Variants in TUSC3 observed in about 807,000 individuals in gnomAD.
TUSC3 encodes the protein tumor suppressor candidate 3.
A neutral mutation model predicts 44.8 loss-of-function variants in TUSC3; 45 were observed. That is an observed-to-expected ratio of 1.00 (90% confidence interval 0.79 to 1.29). The LOEUF is 1.29. TUSC3 is among the 50% of genes most tolerant of loss of function. The pLI is 0.00. For missense variants in TUSC3, 519 were observed against 437.9 expected (o/e 1.19, Z -1.65); for synonymous variants, 212 against 152.9 (o/e 1.39, Z -2.85).
chr8:15,542,175 A>G (rs1189802097), intron 1 of TUSC3, among the ~76,000 whole-genome samples: 1 of 152,024 alleles, frequency 6.6e-6, no homozygotes, highest in Non-Finnish European at 1.5e-5. Context: ...GGGTGGGACA[A>G]CTCAAAGGGG....
the TUSC3 span, among the ~76,000 whole-genome samples, chr8:15,773,508 G>A: frequency 6.6e-6 from 1 of 152,098 alleles, no homozygotes; most frequent in Non-Finnish European, 1.5e-5. Context: ...ATACTGTTAA[G>A]ATGGAAATAC....
At chr8:15,647,593 C>T (rs561247857) in intron 2 of TUSC3, among the ~76,000 whole-genome samples, 78 of 152,268 alleles carry the variant, frequency 5.1e-4, no homozygotes, top group African/African-American at 1.8e-3. Context: ...CGTGCTACCT[C>T]ACTCACTGCA....
At chr8:15,458,961 A>G (rs933887968) in intron 1 of TUSC3, among the ~76,000 whole-genome samples, 1 of 152,102 alleles carries the variant, frequency 6.6e-6, no homozygotes, top group African/African-American at 2.4e-5. Context: ...AAAGAGGTTT[A>G]AGTTAATCTT....
chr8:15,551,844 T>C (rs1341364805), intron 1 of TUSC3, among the ~76,000 whole-genome samples: 1 of 151,788 alleles, frequency 6.6e-6, no homozygotes, highest in Non-Finnish European at 1.5e-5. Context: ...CCTTCAAAAG[T>C]TACTTCTGTT....
At chr8:15,705,366 C>T (rs1809574531) in intron 6 of TUSC3, among the ~76,000 whole-genome samples, 1 of 151,928 alleles carries the variant, frequency 6.6e-6, no homozygotes, top group Non-Finnish European at 1.5e-5. Flanking sequence ...TGGAAAACCA[C>T]TCCAGAATCT....
intron 1 of TUSC3, among the ~76,000 whole-genome samples, chr8:15,566,571 T>C (rs1352147177): frequency 6.6e-6 from 1 of 151,914 alleles, no homozygotes; most frequent in Non-Finnish European, 1.5e-5. Flanking sequence ...GAGGTATATG[T>C]ACTTGTTTAT....
At chr8:15,578,004 T>C (rs1390328376) in intron 1 of TUSC3, among the ~76,000 whole-genome samples, 1 of 149,554 alleles carries the variant, frequency 6.7e-6, no homozygotes, top group Non-Finnish European at 1.5e-5. Context: ...CAGTGGTTTG[T>C]AGTTCTCCTT....
intron 1 of TUSC3, among the ~76,000 whole-genome samples, chr8:15,453,232 T>TA (rs1018422995): frequency 7.6e-6 from 1 of 132,268 alleles, no homozygotes; most frequent in African/African-American, 2.7e-5. Flanking sequence ...ATTAGCGTGG[T>TA]AATGATTATT....
In TUSC3 at chr8:15,484,820, T is replaced by A. The variant is rs188268160; in HGVS notation, n.189+1337T>A. On this transcript the variant is annotated intron_variant and non_coding_transcript_variant, in intron 2 of 5. Coordinates refer to the TUSC3 transcript ENST00000503191. ...AAAATGTTCATCCAAATAGTAAAAA[T>A]TCTTACTATCATTTAAAATATATAG... 1.1e-4 allele frequency among the ~76,000 whole-genome samples: 17 copies of A among 152,338 alleles called. No homozygotes were observed. The East Asian group carries it at 2.7e-3, about 24-fold the overall frequency.
intron 7 of TUSC3, among the ~76,000 whole-genome samples, chr8:15,740,518 GAAAA>G (rs887658895): frequency 7.0e-6 from 1 of 142,184 alleles, no homozygotes; most frequent in African/African-American, 2.6e-5. Flanking sequence ...AAAACGGGAG[GAAAA>G]AAAAAGAACA....
the TUSC3 span, among the ~76,000 whole-genome samples, chr8:15,837,801 T>C: frequency 0.95 from 145,003 of 152,286 alleles, 69,078 homozygotes; most frequent in Non-Finnish European, 0.96. Flanking sequence ...GTATTCTTTG[T>C]CTGCCATTTA....
chr8:15,505,949 T>A (rs897812629), intron 2 of TUSC3, among the ~76,000 whole-genome samples: 1 of 152,160 alleles, frequency 6.6e-6, no homozygotes, highest in African/African-American at 2.4e-5. Flanking sequence ...GATACAGTGA[T>A]TAGGCTAAAA....
intron 1 of TUSC3, among the ~76,000 whole-genome samples, chr8:15,428,032 A>G (rs541335453): frequency 7.3e-5 from 11 of 151,352 alleles, no homozygotes; most frequent in Non-Finnish European, 1.6e-4. Flanking sequence ...GGTTTGTTAC[A>G]TATGTATACA....
At chr8:15,489,178 C>A (rs1394873075) in intron 2 of TUSC3, among the ~76,000 whole-genome samples, 1 of 152,084 alleles carries the variant, frequency 6.6e-6, no homozygotes, top group Non-Finnish European at 1.5e-5. Context: ...TCAGTCAATA[C>A]CTGTAAGGTC....
chr8:15,769,232 T>G (rs555587516), downstream of TUSC3, among the ~76,000 whole-genome samples: 1 of 152,072 alleles, frequency 6.6e-6, no homozygotes, highest in East Asian at 1.9e-4. Context: ...AACAGATATA[T>G]AGACCAATGG....
chr8:15,532,447 T>A (rs10095144), intron 2 of TUSC3, among the ~76,000 whole-genome samples: 133,207 of 152,138 alleles, frequency 0.88, 59,309 homozygotes, highest in South Asian at 0.96. Flanking sequence ...AGATAAGCCC[T>A]GGAAAGACCA....
chr8:15,705,629 C>T (rs1483768092), intron 6 of TUSC3, among the ~76,000 whole-genome samples: 1 of 152,022 alleles, frequency 6.6e-6, no homozygotes, highest in Non-Finnish European at 1.5e-5. Context: ...TGAATTCCAA[C>T]ATCCTTGAGC....
At chr8:15,697,145 T>C (rs1002639496) in intron 6 of TUSC3, among the ~76,000 whole-genome samples, 1 of 152,202 alleles carries the variant, frequency 6.6e-6, no homozygotes, top group Admixed American at 6.5e-5. Flanking sequence ...TCATTTCTTA[T>C]TGAGCTTGTT....
downstream of TUSC3, among the ~76,000 whole-genome samples, chr8:15,768,761 A>G (rs1391647642): frequency 2.6e-5 from 4 of 152,170 alleles, no homozygotes; most frequent in Non-Finnish European, 4.4e-5. Context: ...TACAAAATCA[A>G]TGTGCGAAAA....
Sources: gnomAD v4.1 joint callset for allele counts (sites outside exome capture counted in the v4.1 genomes callset) on GRCh38, gnomAD v4.1.1 for gene constraint, MANE v1.5 for transcripts, NCBI Gene and HGNC (gene_info 2026-07-23, HGNC 2026-07-21) for gene names.